The following ABI1 variants were observed in gnomAD, a reference collection of about 807,000 sequenced individuals.
ABI1 encodes the protein Abelson interactor 1.
A neutral mutation model predicts 54.6 loss-of-function variants in ABI1; 14 were observed. That is an observed-to-expected ratio of 0.26 (90% CI 0.17 to 0.40). ABI1 has a LOEUF of 0.40. Among genes scored for constraint, ABI1 ranks in the 10% least tolerant of loss-of-function variants. The pLI is 1.00. For synonymous variants in ABI1, 194 were observed against 209.3 expected (o/e 0.93, Z 0.63); for missense variants, 443 against 598.3 (o/e 0.74, Z 2.71).
intron 2 of ABI1, among the ~76,000 whole-genome samples, chr10:26,812,412 G>A (rs1230269920): frequency 1.3e-5 from 2 of 152,132 alleles, no homozygotes; most frequent in Non-Finnish European, 2.9e-5. Flanking sequence ...ACTGGGCAAG[G>A]ACTGTACATG....
intron 5 of ABI1, among the ~76,000 whole-genome samples, chr10:26,769,651 T>TAATGC: frequency 6.6e-6 from 1 of 152,200 alleles, no homozygotes; most frequent in East Asian, 1.9e-4. Context: ...ATTCGCTATA[T>TAATGC]TTAGTACACT....
rs956381896 is a variant in ABI1, at chr10:26,803,765, C to T, written c.285+19373G>A. On this transcript the variant is annotated intron_variant, in intron 2 of 10. Coordinates refer to ENST00000376140, the MANE Select transcript of ABI1 (RefSeq NM_001012750.3). Reference sequence around the variant, plus strand: ...AAGAACTACAGATTTTCTAAAGTGACACACTGAAAATTTAAGAGACTTGAG... The same window carrying T: ...AAGAACTACAGATTTTCTAAAGTGATACACTGAAAATTTAAGAGACTTGAG... Among the ~76,000 whole-genome samples the T allele has an allele frequency of 2.0e-5, 3 of 152,082 alleles. 1 individual carries two copies. Among genetic ancestry groups the T allele is most frequent in the Non-Finnish European group, 4.4e-5 (3 of 68,020 alleles).
intron 2 of ABI1, among the ~76,000 whole-genome samples, chr10:26,805,147 G>A (rs1027725089): frequency 6.6e-6 from 1 of 152,174 alleles, no homozygotes; most frequent in Non-Finnish European, 1.5e-5. Flanking sequence ...ACTTCAAGAA[G>A]CTGGGCATGG....
rs397724445 is a variant in ABI1 at position 26,851,348 on chromosome 10, A to ATTTTTTTTTT, written c.117+9389_117+9398dup. 2.7e-4 allele frequency among the ~76,000 whole-genome samples: 18 copies of ATTTTTTTTTT among 67,810 alleles called. 2 individuals carry two copies. Among genetic ancestry groups the ATTTTTTTTTT allele is most frequent in the South Asian group, 7.5e-4 (1 of 1,342 alleles). 44.5% of individuals were successfully genotyped at this position (67,810 alleles called of 152,430 possible). A position where few individuals can be genotyped will look rare whatever the true frequency, so the allele number is the denominator to read the frequency against. ...GTAGCTGGGACTACAGACTAAGCTAATTTTTTTTTTTTTTTTTTTTTTTTT... is the reference window on the plus strand; with the variant it reads ...GTAGCTGGGACTACAGACTAAGCTAATTTTTTTTTTTTTTTTTTTTTTTTTTTTTTTTTTT... On this transcript the variant is annotated intron_variant, in intron 1 of 10. Coordinates refer to ENST00000376140, the MANE Select transcript of ABI1 (RefSeq NM_001012750.3).
intron 2 of ABI1, among the ~76,000 whole-genome samples, chr10:26,785,873 A>C (rs1303131212): frequency 6.6e-6 from 1 of 152,166 alleles, no homozygotes; most frequent in Non-Finnish European, 1.5e-5. Context: ...GCATCACCAC[A>C]TGCCATCACT....
chr10:26,782,152 C>G (rs1056622639), intron 2 of ABI1, among the ~76,000 whole-genome samples: 2 of 152,164 alleles, frequency 1.3e-5, no homozygotes, highest in Admixed American at 6.5e-5. Flanking sequence ...TCAGCTGACT[C>G]CAGCCACAGT....
intron 1 of ABI1, among the ~76,000 whole-genome samples, chr10:26,856,592 A>C (rs2050839225): frequency 1.3e-5 from 2 of 152,326 alleles, no homozygotes; most frequent in South Asian, 4.1e-4. Flanking sequence ...CAAATGTCAC[A>C]GGAGGAGGAA....
intron 2 of ABI1, among the ~76,000 whole-genome samples, chr10:26,808,679 T>A (rs1024126003): frequency 1.3e-5 from 2 of 151,710 alleles, no homozygotes; most frequent in African/African-American, 4.8e-5. Context: ...GCCGAGATCA[T>A]GCCACTGCAC....
At chr10:26,823,329 A>C in intron 1 of ABI1, 24 bp from the exon 2 acceptor site, 1 of 1,477,926 alleles carries the variant, frequency 6.8e-7, no homozygotes, top group Non-Finnish European at 9.0e-7. Flanking sequence ...AAAAACAACA[A>C]ATACTTATTT....
chr10:26,770,084 T>C (rs1186990367), intron 5 of ABI1, among the ~76,000 whole-genome samples, 161 bp downstream of exon 5: 1 of 152,258 alleles, frequency 6.6e-6, no homozygotes, highest in African/African-American at 2.4e-5. Context: ...CAGATTCATT[T>C]GGGATTCTGT....
chr10:26,806,093 C>CT (rs990823381), intron 2 of ABI1, among the ~76,000 whole-genome samples: 14 of 152,162 alleles, frequency 9.2e-5, no homozygotes, highest in African/African-American at 3.4e-4. Flanking sequence ...AACAGGCTTC[C>CT]TTTAAGACCC....
chr10:26,791,867 C>A (rs114802384), intron 2 of ABI1, among the ~76,000 whole-genome samples: 1 of 151,976 alleles, frequency 6.6e-6, no homozygotes, highest in African/African-American at 2.4e-5. Flanking sequence ...CATTTAAATG[C>A]AAATAAATGG....
chr10:26,788,996 G>C (rs1212108124), intron 2 of ABI1: 2 of 146,944 alleles, frequency 1.4e-5, no homozygotes, highest in African/African-American at 5.0e-5. Context: ...AAATTCATTT[G>C]AGAAAAAAAA....
intron 7 of ABI1, among the ~76,000 whole-genome samples, chr10:26,761,661 T>TATATATATATACACAC (rs1375832167): frequency 2.0e-3 from 157 of 78,824 alleles, no homozygotes; most frequent in Non-Finnish European, 2.4e-3. Flanking sequence ...TATATATATA[T>TATATATATATACACAC]ACACACACAC....
chr10:26,851,348 A>T (rs1206598274), intron 1 of ABI1, among the ~76,000 whole-genome samples: 16 of 67,808 alleles, frequency 2.4e-4, no homozygotes, highest in South Asian at 7.4e-4. Context: ...GACTAAGCTA[A>T]TTTTTTTTTT....
At position 26,809,834 on chromosome 10, in the gene ABI1, G is replaced by A. The variant is rs147218798; in HGVS notation, c.285+13304C>T. 2.6e-3 allele frequency among the ~76,000 whole-genome samples: 397 copies of A among 152,292 alleles called. 1 individual carries two copies. The highest frequency in any genetic ancestry group is 7.7e-3 in the Admixed American group (118 of 15,298). The stretch of plus-strand genomic sequence containing the variant: ...CTCCCTGGATGGTGAACACGCTGAT[G>A]AGCAAGGAGGGTAGCATGCCCTGAT... On this transcript the variant is annotated intron_variant, in intron 2 of 10. Coordinates refer to ENST00000376140, the MANE Select transcript of ABI1 (RefSeq NM_001012750.3).
chr10:26,852,507 T>C (rs2050477913), intron 1 of ABI1, among the ~76,000 whole-genome samples: 3 of 152,098 alleles, frequency 2.0e-5, no homozygotes, highest in Admixed American at 2.0e-4. Flanking sequence ...TAAGCATCTG[T>C]TGTTACAACT....
At chr10:26,823,042 G>A (rs1425045197) in intron 2 of ABI1, 96 bp downstream of exon 2, 4 of 1,110,264 alleles carry the variant, frequency 3.6e-6, no homozygotes, top group African/African-American at 1.6e-5. Context: ...TCACCAGTAA[G>A]ATGAGTCAGA....
chr10:26,758,091 A>C (rs1345312236), intron 8 of ABI1, among the ~76,000 whole-genome samples: 3 of 151,266 alleles, frequency 2.0e-5, no homozygotes, highest in East Asian at 3.9e-4. Flanking sequence ...AAAAAAAAAA[A>C]AAACTTTCCC....
Sources: allele counts gnomAD v4.1 joint callset (sites outside exome capture counted in the v4.1 genomes callset), GRCh38; gene constraint gnomAD v4.1.1; transcripts MANE v1.5; gene names NCBI Gene and HGNC (gene_info 2026-07-23, HGNC 2026-07-21).